Variants in TMEM232 observed in about 807,000 individuals in gnomAD.
TMEM232 encodes the protein transmembrane protein 232.
TMEM232 carries 80 observed loss-of-function variants against 78.8 expected under a neutral mutation model. That is an observed-to-expected ratio of 1.01 (90% confidence interval 0.85 to 1.22). The LOEUF (loss-of-function observed/expected upper bound fraction) is 1.22. Ranked by LOEUF, TMEM232 falls within the 50% of genes most tolerant of loss-of-function variation. The pLI is 0.00. For missense variants in TMEM232, 881 were observed against 742.2 expected (o/e 1.19, Z -2.17); for synonymous variants, 297 against 254.3 (o/e 1.17, Z -1.60).
intron 10 of TMEM232, among the ~76,000 whole-genome samples, chr5:110,604,268 A>G (rs1781279162): frequency 6.6e-6 from 1 of 152,170 alleles, no homozygotes; most frequent in African/African-American, 2.4e-5. Flanking sequence ...TTGAGTTAAC[A>G]TTGTCCCCAT....
At chr5:110,467,391 G>A (rs1379222909) in intron 12 of TMEM232, among the ~76,000 whole-genome samples, 1 of 152,190 alleles carries the variant, frequency 6.6e-6, no homozygotes, top group Admixed American at 6.5e-5. Context: ...AGGCTGATGA[G>A]ATAAAACTGA....
At chr5:110,626,349 A>C (rs879869181) in intron 6 of TMEM232, among the ~76,000 whole-genome samples, 3 of 152,062 alleles carry the variant, frequency 2.0e-5, no homozygotes, top group African/African-American at 7.2e-5. Context: ...CTATAATTTA[A>C]TGAAGATATA....
chr5:110,424,208 G>A (rs1183971106), intron 13 of TMEM232, among the ~76,000 whole-genome samples: 2 of 151,986 alleles, frequency 1.3e-5, no homozygotes, highest in Non-Finnish European at 2.9e-5. Context: ...TGAACTACTG[G>A]TGATAAAATT....
intron 12 of TMEM232, among the ~76,000 whole-genome samples, chr5:110,470,763 A>T (rs1434968474): frequency 6.6e-6 from 1 of 152,194 alleles, no homozygotes; most frequent in African/African-American, 2.4e-5. Flanking sequence ...GCCACTTTCT[A>T]AAGTTTAGAA....
At chr5:110,469,275 C>T (rs940522083) in intron 12 of TMEM232, among the ~76,000 whole-genome samples, 2 of 152,166 alleles carry the variant, frequency 1.3e-5, no homozygotes, top group Non-Finnish European at 2.9e-5. Flanking sequence ...ATTGAGTAGC[C>T]ATGGAAATCT....
At chr5:110,566,367 C>T (rs1025111198) in intron 11 of TMEM232, among the ~76,000 whole-genome samples, 6 of 151,878 alleles carry the variant, frequency 4.0e-5, no homozygotes, top group African/African-American at 1.4e-4. Flanking sequence ...GTTACTTATG[C>T]AAATTTCTGC....
In TMEM232 at chr5:110,605,126, G is replaced by T; in HGVS notation, c.1259C>A (p.Ser420Ter). The change falls in exon 10 of 14, where the codon TCA (serine) becomes TAA (stop). Residue 420 changes from serine (S) to a stop codon, truncating the protein, a stop_gained. Transcript: ENST00000455884. LOFTEE classifies it high-confidence loss of function. ...CTACTTACAGTTCTCTGACATTTTT[G>T]AAGAGAAATATTCCAAAAGACTTAA... ...SILSLLEYFS[S>*]KMSENCDQVV... The T allele has an allele frequency of 6.5e-7, 1 of 1,542,064 alleles. No individual in the cohort carries two copies. The highest frequency in any genetic ancestry group is 1.2e-5 in the South Asian group (1 of 82,390).
intron 13 of TMEM232, among the ~76,000 whole-genome samples, chr5:110,420,996 AAAG>A (rs1425748814): frequency 1.3e-5 from 2 of 152,102 alleles, no homozygotes; most frequent in African/African-American, 4.8e-5. Flanking sequence ...AAACAATAAA[AAAG>A]AAGACATTAT....
At chr5:110,646,957 T>C (rs1251874474) in intron 2 of TMEM232, among the ~76,000 whole-genome samples, 1 of 151,814 alleles carries the variant, frequency 6.6e-6, no homozygotes, top group African/African-American at 2.4e-5. Flanking sequence ...TTCTTCTTCT[T>C]CTTCTTTTTT....
chr5:110,535,112 T>C (rs1023993990), intron 11 of TMEM232, among the ~76,000 whole-genome samples: 10 of 152,136 alleles, frequency 6.6e-5, no homozygotes, highest in African/African-American at 2.4e-4. Flanking sequence ...TATAAGAAGA[T>C]AGGAATGTCA....
At chr5:110,628,774 A>C (rs538378514) in intron 5 of TMEM232, 1 of 152,028 alleles carries the variant, frequency 6.6e-6, no homozygotes, top group Non-Finnish European at 1.5e-5. Flanking sequence ...TAAAATTAAA[A>C]AGATAAATCT....
chr5:110,595,866 G>C (rs376556355), intron 10 of TMEM232, among the ~76,000 whole-genome samples: 1 of 152,046 alleles, frequency 6.6e-6, no homozygotes, highest in South Asian at 2.1e-4. Context: ...GATATTATCC[G>C]GAAGAACTTC....
At chr5:110,547,998 CAAA>C (rs938444289) in intron 11 of TMEM232, among the ~76,000 whole-genome samples, 1 of 48,668 alleles carries the variant, frequency 2.1e-5, no homozygotes, top group Non-Finnish European at 4.4e-5. Flanking sequence ...ACTCCATCTC[CAAA>C]AAAAAAAAAA....
chr5:110,476,608 T>C (rs936068760), intron 12 of TMEM232, among the ~76,000 whole-genome samples: 10 of 152,178 alleles, frequency 6.6e-5, no homozygotes, highest in Non-Finnish European at 1.2e-4. Flanking sequence ...AAAAATGTTA[T>C]TGTAATGATT....
intron 12 of TMEM232, among the ~76,000 whole-genome samples, chr5:110,508,865 TACAC>T (rs905961831): frequency 2.8e-5 from 4 of 144,740 alleles, no homozygotes; most frequent in Admixed American, 2.1e-4. Context: ...TATATATATA[TACAC>T]ACACACATAT....
intron 1 of TMEM232, among the ~76,000 whole-genome samples, chr5:110,697,254 G>A (rs998462137): frequency 6.6e-6 from 1 of 152,114 alleles, no homozygotes; most frequent in East Asian, 1.9e-4. Flanking sequence ...CACATAGAAA[G>A]ATGAAACCAG....
intron 2 of TMEM232, among the ~76,000 whole-genome samples, chr5:110,657,279 TGAAA>T (rs1423909582): frequency 6.6e-6 from 1 of 152,072 alleles, no homozygotes; most frequent in Non-Finnish European, 1.5e-5. Flanking sequence ...AATCAGTATG[TGAAA>T]GAGACATCTG....
intron 12 of TMEM232, among the ~76,000 whole-genome samples, chr5:110,425,873 T>A (rs981315750): frequency 3.3e-5 from 5 of 152,090 alleles, no homozygotes; most frequent in Non-Finnish European, 7.4e-5. Flanking sequence ...GTCAATCTCC[T>A]ACATCAAACT....
intron 11 of TMEM232, among the ~76,000 whole-genome samples, chr5:110,541,504 CA>C (rs1398882875): frequency 1.3e-5 from 2 of 152,020 alleles, no homozygotes; most frequent in African/African-American, 2.4e-5. Context: ...TCAGAGACTC[CA>C]AAGTGATAAA....
Sources: gnomAD v4.1 joint callset for allele counts (sites outside exome capture counted in the v4.1 genomes callset) on GRCh38, gnomAD v4.1.1 for gene constraint, MANE v1.5 for transcripts, NCBI Gene and HGNC (gene_info 2026-07-23, HGNC 2026-07-21) for gene names.